The following GPATCH2L variants were observed in gnomAD, a reference collection of about 807,000 sequenced individuals.
The protein encoded by GPATCH2L is G-patch domain containing 2 like.
A neutral mutation model predicts 57.4 loss-of-function variants in GPATCH2L; 31 were observed. The ratio of observed to expected loss-of-function variants is 0.54; its 90% CI spans 0.41 to 0.73. The LOEUF is 0.73. Among genes scored for constraint, GPATCH2L ranks in the 30% least tolerant of loss-of-function variants. The probability of loss-of-function intolerance (pLI) is 0.00; values close to 1 mark genes in which losing one functional copy is unlikely to be tolerated. For missense variants in GPATCH2L, 481 were observed against 599.9 expected, an observed-to-expected ratio of 0.80 and a Z score of 2.07; for synonymous variants, 199 against 210.7, an observed-to-expected ratio of 0.94 and a Z score of 0.48.
At chr14:76,152,370 G>A (rs1406810130) in intron 1 of GPATCH2L, among the ~76,000 whole-genome samples, 1 of 152,182 alleles carries the variant, frequency 6.6e-6, no homozygotes, top group Non-Finnish European at 1.5e-5. Flanking sequence ...GATCCCGGAG[G>A]GAGCTCAGTC....
Position 76,205,703 on chromosome 14 carries a change from C to T in GPATCH2L, c.*3852C>T, listed in dbSNP as rs1235306874. On this transcript the variant is annotated 3_prime_UTR_variant, in exon 10 of 10. Coordinates refer to ENST00000261530, the MANE Select transcript of GPATCH2L (RefSeq NM_017926.4). ...GTTGCTGCAGAGTTATCATTAAAGT[C>T]ACTTGGAATTGAAAAAGATACAGAG... 6.6e-6 allele frequency: 1 copy of T among 152,322 alleles called. No homozygotes were observed. Among genetic ancestry groups the T allele is most frequent in the South Asian group, 2.1e-4 (1 of 4,812 alleles). The allele number at this position is 152,322 out of a possible 1,614,324, so 9.4% of individuals were successfully genotyped here.
At chr14:76,188,204 A>G (rs1238772271) in intron 8 of GPATCH2L, among the ~76,000 whole-genome samples, 2 of 152,134 alleles carry the variant, frequency 1.3e-5, no homozygotes, top group African/African-American at 4.8e-5. Context: ...TCTTTGATAT[A>G]CTGATTTCCT....
chr14:76,165,268 C>T (rs758453700), intron 2 of GPATCH2L, among the ~76,000 whole-genome samples: 85 of 151,968 alleles, frequency 5.6e-4, no homozygotes, highest in Non-Finnish European at 9.3e-4. Flanking sequence ...CCATGGTGGG[C>T]GGATCATGAG....
At chr14:76,168,616 A>G (rs558643987) in intron 3 of GPATCH2L, among the ~76,000 whole-genome samples, 3 of 152,318 alleles carry the variant, frequency 2.0e-5, no homozygotes, top group South Asian at 4.1e-4. Flanking sequence ...GAGGATGTAA[A>G]TGCCAGGTGA....
chr14:76,183,412 A>T (rs955306376), intron 8 of GPATCH2L, among the ~76,000 whole-genome samples: 1 of 152,258 alleles, frequency 6.6e-6, no homozygotes, highest in Non-Finnish European at 1.5e-5. Context: ...GGTTGCATAC[A>T]TGAAGGTTCT....
At chr14:76,164,442 T>C (rs1324304435) in intron 2 of GPATCH2L, among the ~76,000 whole-genome samples, 1 of 152,120 alleles carries the variant, frequency 6.6e-6, no homozygotes, top group Non-Finnish European at 1.5e-5. Flanking sequence ...TATTGCCAAA[T>C]TGGGACGGGG....
chr14:76,185,116 T>G (rs2039716865), intron 8 of GPATCH2L, among the ~76,000 whole-genome samples: 1 of 152,220 alleles, frequency 6.6e-6, no homozygotes. Flanking sequence ...CACATAGTTC[T>G]TAATAAATGG....
At chr14:76,178,265 A>C in intron 7 of GPATCH2L, 1 of 1,484,510 alleles carries the variant, frequency 6.7e-7, no homozygotes, top group Non-Finnish European at 9.0e-7. Context: ...GTTTAGTTCA[A>C]CATCAGAATC....
At chr14:76,155,081 A>C (rs1168926834) in intron 2 of GPATCH2L, 56 bp downstream of exon 2, 6 of 1,438,460 alleles carry the variant, frequency 4.2e-6, no homozygotes, top group Non-Finnish European at 4.7e-6. Flanking sequence ...CCCAAAGTGC[A>C]CATCCATGGT....
In GPATCH2L at chr14:76,203,071, C is replaced by A. The variant is rs2040335412; in HGVS notation, c.*1220C>A. ...GCTCTGGTCACATTGTAGAGGGACT[C>A]CCACTCATGCATCTGCTTATTTTCT... On this transcript the variant is annotated 3_prime_UTR_variant, in exon 10 of 10. Transcript: ENST00000261530. 1 of 152,146 alleles carries A rather than the reference C, an allele frequency of 6.6e-6. No individual in the cohort carries two copies. The highest frequency in any genetic ancestry group is 1.5e-5 in the Non-Finnish European group (1 of 68,040). The allele number at this position is 152,146 out of a possible 1,614,324, so 9.4% of individuals were successfully genotyped here. A position where few individuals can be genotyped will look rare whatever the true frequency, so the allele number is the denominator to read the frequency against.
chr14:76,182,585 CAAA>C (rs66602777), intron 8 of GPATCH2L, among the ~76,000 whole-genome samples: 81 of 84,788 alleles, frequency 9.6e-4, no homozygotes, highest in Non-Finnish European at 1.1e-3. Flanking sequence ...GACCCTGTCT[CAAA>C]AAAAAAAAAA....
At chr14:76,158,307 C>T (rs1228021371) in intron 2 of GPATCH2L, among the ~76,000 whole-genome samples, 2 of 152,194 alleles carry the variant, frequency 1.3e-5, no homozygotes, top group Non-Finnish European at 1.5e-5. Flanking sequence ...CCAGGCTGAC[C>T]TTCTGCGGCC....
At chr14:76,172,337 A>G (rs768091868) in intron 4 of GPATCH2L, among the ~76,000 whole-genome samples, 4 of 152,176 alleles carry the variant, frequency 2.6e-5, no homozygotes, top group Non-Finnish European at 4.4e-5. Flanking sequence ...TGAGTATCGG[A>G]TTTTGGAAGA....
At chr14:76,228,358 C>T (rs944469767) in intron 1 of GPATCH2L, among the ~76,000 whole-genome samples, 5 of 152,202 alleles carry the variant, frequency 3.3e-5, no homozygotes, top group East Asian at 3.9e-4. Context: ...TGCGTGCGCG[C>T]GCGTGTGTGT....
rs2040441550 is a variant in GPATCH2L, at chr14:76,211,674, TTG to T, written c.*9827_*9828del. 1 of 152,182 alleles carries T rather than the reference TTG, an allele frequency of 6.6e-6. No individual in the cohort carries two copies. The highest frequency in any genetic ancestry group is 1.5e-5 in the Non-Finnish European group (1 of 68,032). 9.4% of individuals were successfully genotyped at this position (152,182 alleles called of 1,614,324 possible). A position where few individuals can be genotyped will look rare whatever the true frequency, so the allele number is the denominator to read the frequency against. ...TTGTTTCTCAGTAGTGACAATAAAT[TTG>T]TGTTGATCTATTTACACCTTTTGGA... On this transcript the variant is annotated 3_prime_UTR_variant, in exon 10 of 10. Coordinates refer to ENST00000261530, the MANE Select transcript of GPATCH2L (RefSeq NM_017926.4).
At chr14:76,226,633 A>G (rs77942379) in intron 1 of GPATCH2L, among the ~76,000 whole-genome samples, 3,377 of 152,298 alleles carry the variant, frequency 0.022, 76 homozygotes, top group South Asian at 0.078. Flanking sequence ...ATGAAGGCTT[A>G]TGAATGAATT....
intron 1 of GPATCH2L, among the ~76,000 whole-genome samples, chr14:76,220,965 A>G (rs954435274): frequency 1.3e-5 from 2 of 152,116 alleles, no homozygotes; most frequent in African/African-American, 2.4e-5. Flanking sequence ...CAAAAAGTAG[A>G]AAAAGGATAG....
chr14:76,159,182 C>G (rs980800198), intron 2 of GPATCH2L, among the ~76,000 whole-genome samples: 1 of 152,138 alleles, frequency 6.6e-6, no homozygotes, highest in South Asian at 2.1e-4. Context: ...CTTCTGAGAT[C>G]CCTTGTAACA....
chr14:76,205,898 G>A lies in GPATCH2L; in HGVS notation c.*4047G>A, dbSNP rs191827712. ...CCACACAGGTTTTTCCCCCTGGGGA[G>A]AAGACTATGTAAAAATCTCAGCGTT... On this transcript the variant is annotated 3_prime_UTR_variant, in exon 10 of 10. Coordinates refer to ENST00000261530, the MANE Select transcript of GPATCH2L (RefSeq NM_017926.4). 1 of 152,478 alleles carries A rather than the reference G, an allele frequency of 6.6e-6. No individual in the cohort carries two copies. Among genetic ancestry groups the A allele is most frequent in the East Asian group, 1.9e-4 (1 of 5,186 alleles). 9.4% of individuals were successfully genotyped at this position (152,478 alleles called of 1,614,324 possible).
Sources: allele counts gnomAD v4.1 joint callset (sites outside exome capture counted in the v4.1 genomes callset), GRCh38; gene constraint gnomAD v4.1.1; transcripts MANE v1.5; gene names NCBI Gene and HGNC (gene_info 2026-07-23, HGNC 2026-07-21).